CEP112: variants seen among roughly 807,000 people sequenced by gnomAD.
CEP112 encodes centrosomal protein 112, also known as centrosomal protein of 112 kDa.
A neutral mutation model predicts 153.0 loss-of-function variants in CEP112; 127 were observed. The observed-to-expected ratio is 0.83, with a 90% CI of 0.72 to 0.96. The LOEUF is 0.96. CEP112 is among the 40% of genes least tolerant of loss of function. CEP112 has a pLI of 0.00. For missense variants in CEP112, 1,089 were observed against 1,101.2 expected (o/e 0.99, Z 0.16); for synonymous variants, 358 against 374.4 (o/e 0.96, Z 0.51).
intron 19 of CEP112, among the ~76,000 whole-genome samples, chr17:65,914,861 C>T (rs1216330349): frequency 2.0e-5 from 3 of 152,174 alleles, no homozygotes; most frequent in Non-Finnish European, 2.9e-5. Flanking sequence ...CTGCTCACAA[C>T]GCATTGTCTG....
chr17:65,845,773 G>T (rs1379907412), intron 21 of CEP112, among the ~76,000 whole-genome samples: 1 of 152,046 alleles, frequency 6.6e-6, no homozygotes, highest in Non-Finnish European at 1.5e-5. Flanking sequence ...GGTTTGAAAA[G>T]ATTTTAAAAG....
chr17:66,117,519 G>A (rs1476768494), intron 6 of CEP112, among the ~76,000 whole-genome samples: 1 of 152,108 alleles, frequency 6.6e-6, no homozygotes, highest in African/African-American at 2.4e-5. Flanking sequence ...ATGCCTCTGT[G>A]AGCTTTGACA....
intron 16 of CEP112, among the ~76,000 whole-genome samples, chr17:66,016,800 G>A (rs1260972695): frequency 1.3e-5 from 2 of 151,716 alleles, no homozygotes; most frequent in African/African-American, 2.4e-5. Flanking sequence ...TGAGATTTAC[G>A]CCTTTAAATG....
At chr17:65,804,215 CAA>C (rs1409441494) in intron 21 of CEP112, among the ~76,000 whole-genome samples, 11 of 152,142 alleles carry the variant, frequency 7.2e-5, no homozygotes, top group African/African-American at 2.6e-4. Context: ...TAAATAAACA[CAA>C]GAGAAGCTTT....
chr17:66,148,103 T>C (rs2071000578), intron 4 of CEP112, among the ~76,000 whole-genome samples: 1 of 152,200 alleles, frequency 6.6e-6, no homozygotes, highest in South Asian at 2.1e-4. Flanking sequence ...CAGGTCCACA[T>C]GGCTGGGGAG....
chr17:65,663,914 C>T (rs545804288), intron 24 of CEP112, among the ~76,000 whole-genome samples: 35 of 152,218 alleles, frequency 2.3e-4, no homozygotes, highest in Middle Eastern at 3.4e-3. Flanking sequence ...GGCGTGGTGG[C>T]GTGCGCCTGT....
At chr17:65,989,573 G>A (rs2063524019) in intron 17 of CEP112, among the ~76,000 whole-genome samples, 1 of 151,904 alleles carries the variant, frequency 6.6e-6, no homozygotes. Context: ...AACAAAAGCT[G>A]AGAGAATTCA....
chr17:65,695,766 G>T (rs1468333992), intron 23 of CEP112, among the ~76,000 whole-genome samples: 1 of 152,188 alleles, frequency 6.6e-6, no homozygotes, highest in Non-Finnish European at 1.5e-5. Flanking sequence ...AAGACCGGAC[G>T]TCTTTCTAGA....
intron 8 of CEP112, among the ~76,000 whole-genome samples, chr17:66,084,650 GTTAT>G (rs1476142091): frequency 2.6e-5 from 4 of 152,108 alleles, no homozygotes; most frequent in Non-Finnish European, 2.9e-5. Context: ...TAGAATGATG[GTTAT>G]TAGGGGCTGG....
At chr17:65,685,212 C>G (rs948298765) in intron 24 of CEP112, among the ~76,000 whole-genome samples, 3 of 152,086 alleles carry the variant, frequency 2.0e-5, no homozygotes, top group Non-Finnish European at 4.4e-5. Context: ...AAAGATGCCA[C>G]CCATCAAGAC....
At chr17:66,050,388 A>G (rs539797913) in intron 12 of CEP112, among the ~76,000 whole-genome samples, 1 of 152,274 alleles carries the variant, frequency 6.6e-6, no homozygotes, top group South Asian at 2.1e-4. Flanking sequence ...GGATCTGTTC[A>G]CCACACTTGG....
intron 5 of CEP112, among the ~76,000 whole-genome samples, chr17:66,132,204 A>AAAAAAAAAAAT: frequency 7.2e-6 from 1 of 138,984 alleles, no homozygotes; most frequent in South Asian, 2.3e-4. Context: ...AAAAAAAAAA[A>AAAAAAAAAAAT]GCTAACTGGA....
At chr17:65,791,826 A>C (rs997538454) in intron 21 of CEP112, among the ~76,000 whole-genome samples, 1 of 152,152 alleles carries the variant, frequency 6.6e-6, no homozygotes, top group African/African-American at 2.4e-5. Context: ...GGTTCCCCCT[A>C]AAAAAACCCA....
At chr17:66,112,480 C>A (rs1387835311) in intron 6 of CEP112, among the ~76,000 whole-genome samples, 1 of 152,032 alleles carries the variant, frequency 6.6e-6, no homozygotes, top group East Asian at 1.9e-4. Flanking sequence ...TGATATTTTA[C>A]AATTTTATAG....
In CEP112 at chr17:65,658,718, G is replaced by A. The variant is rs535230390; in HGVS notation, c.2698-17653C>T. ...CGGGAATGGAAGAGCTCTCTGAAGG[G>A]GAAAGGGGAGAACAGGAATGTCCCA... On this transcript the variant is annotated intron_variant, in intron 24 of 26. Transcript: ENST00000535342. Among the ~76,000 whole-genome samples, 238 of 152,194 alleles carry A rather than the reference G, an allele frequency of 1.6e-3. 1 individual carries two copies. Among genetic ancestry groups the A allele is most frequent in the African/African-American group, 4.6e-3 (189 of 41,512 alleles).
intron 21 of CEP112, among the ~76,000 whole-genome samples, chr17:65,850,565 T>C (rs998546918): frequency 4.6e-5 from 7 of 152,358 alleles, no homozygotes; most frequent in African/African-American, 1.7e-4. Flanking sequence ...TTAACTGTTC[T>C]CTCTACTTCC....
chr17:65,994,871 C>A (rs1250628236), intron 17 of CEP112, among the ~76,000 whole-genome samples: 1 of 152,122 alleles, frequency 6.6e-6, no homozygotes, highest in Non-Finnish European at 1.5e-5. Context: ...GGGCCACTTT[C>A]GGTTCTCTTT....
chr17:66,096,496 G>C, intron 7 of CEP112, 89 bp downstream of exon 7: 1 of 1,133,594 alleles, frequency 8.8e-7, no homozygotes, highest in Non-Finnish European at 1.3e-6. Context: ...TCCTAATGTA[G>C]ATCCGCATTA....
chr17:66,076,138 T>C (rs2067485248), intron 8 of CEP112, among the ~76,000 whole-genome samples: 1 of 152,000 alleles, frequency 6.6e-6, no homozygotes, highest in Non-Finnish European at 1.5e-5. Flanking sequence ...TAGGGGGAAA[T>C]ACCACAGAGA....
Sources: gnomAD v4.1 joint callset for allele counts (sites outside exome capture counted in the v4.1 genomes callset) on GRCh38, gnomAD v4.1.1 for gene constraint, MANE v1.5 for transcripts, NCBI Gene and HGNC (gene_info 2026-07-23, HGNC 2026-07-21) for gene names.